Variants in GOLGA8M observed in about 807,000 individuals in gnomAD.
The protein encoded by GOLGA8M is golgin A8 family member M.
Under a neutral mutation model 87.7 loss-of-function variants are expected in GOLGA8M, and 34 were observed. The ratio of observed to expected loss-of-function variants is 0.39; its 90% CI spans 0.29 to 0.52. GOLGA8M has a LOEUF of 0.52. GOLGA8M is among the 20% of genes least tolerant of loss of function. GOLGA8M has a pLI of 0.80. For missense variants in GOLGA8M, 396 were observed against 682.2 expected (o/e 0.58, Z 4.67); for synonymous variants, 138 against 250.2 (o/e 0.55, Z 4.23).
chr15:28,710,225 C>A (rs200207396), intron 2 of GOLGA8M, among the ~76,000 whole-genome samples: 17,628 of 145,086 alleles, frequency 0.12, 1,548 homozygotes, highest in East Asian at 0.51. Flanking sequence ...TACAGGCACA[C>A]GCCACCACGC....
chr15:28,701,292 C>T lies in GOLGA8M; in HGVS notation c.*662G>A, dbSNP rs1156368351. The stretch of plus-strand genomic sequence containing the variant: ...GAAACACACTCTATCCTGCACATAC[C>T]TGCCAGAGGAAGCCACTTTCCTCTT... On this transcript the variant is annotated 3_prime_UTR_variant, in exon 19 of 19. Coordinates refer to ENST00000563027, the MANE Select transcript of GOLGA8M (RefSeq NM_001282468.3). 6.6e-6 allele frequency among the ~76,000 whole-genome samples: 1 copy of T among 151,380 alleles called. No homozygotes were observed. Among genetic ancestry groups the T allele is most frequent in the East Asian group, 2.0e-4 (1 of 5,068 alleles).
In GOLGA8M at chr15:28,706,810, C is replaced by T. The variant is rs934502687; in HGVS notation, c.592-111G>A. ...AATATACAACTCGGTCAGTAAAGAT[C>T]AAGGCATTTCCAAGCCCGTGGTCTG... On this transcript the variant is annotated intron_variant, in intron 8 of 18. Transcript: ENST00000563027. The T allele has an allele frequency of 1.3e-5, 13 of 1,030,428 alleles. 2 individuals carry two copies. The highest frequency in any genetic ancestry group is 1.8e-5 in the Non-Finnish European group (13 of 710,816). The allele number at this position is 1,030,428 out of a possible 1,614,324, so 63.8% of individuals were successfully genotyped here. A position where few individuals can be genotyped will look rare whatever the true frequency, so the allele number is the denominator to read the frequency against.
chr15:28,706,587 C>T (rs879406457), intron 9 of GOLGA8M, 26 bp downstream of exon 9: 9 of 1,132,836 alleles, frequency 7.9e-6, no homozygotes, highest in African/African-American at 1.6e-5. Context: ...ATCTTCCTTC[C>T]ACATAACTCC....
At position 28,701,232 on chromosome 15, in the gene GOLGA8M, A is replaced by C. The variant is rs1054671096; in HGVS notation, c.*722T>G. On this transcript the variant is annotated 3_prime_UTR_variant, in exon 19 of 19. Coordinates refer to ENST00000563027, the MANE Select transcript of GOLGA8M (RefSeq NM_001282468.3). ...ACATACAAATCCTAAGGGCACCACC[A>C]TAATACACCGCTAATTCCTGGCACC... Among the ~76,000 whole-genome samples, 62 of 152,132 alleles carry C rather than the reference A, an allele frequency of 4.1e-4. No individual in the cohort carries two copies. The highest frequency in any genetic ancestry group is 1.5e-3 in the African/African-American group (61 of 41,464).
intron 15 of GOLGA8M, chr15:28,703,087 T>C (rs2079865830): frequency 4.1e-6 from 3 of 727,538 alleles, no homozygotes; most frequent in Middle Eastern, 7.3e-4. Context: ...GTGAGCATTC[T>C]TCTAGGGGCA....
At chr15:28,711,563 C>T (rs1451546766) in intron 1 of GOLGA8M, 1 of 967,310 alleles carries the variant, frequency 1.0e-6, no homozygotes, top group Non-Finnish European at 1.2e-6. Flanking sequence ...GAACCTCTTG[C>T]TCCTAGGTCC....
chr15:28,702,097 G>A lies in GOLGA8M; in HGVS notation c.1756C>T (p.Gln586Ter), dbSNP rs774083684. ...LCEVSLTSSA[Q>*]GEAREDPLLD... Reference sequence around the variant, plus strand: ...AGAGGATCCTCCCTGGCCTCTCCTTGGGCAGAGGAGGTGAGGCTCACCTCA... The same window carrying A: ...AGAGGATCCTCCCTGGCCTCTCCTTAGGCAGAGGAGGTGAGGCTCACCTCA... The change falls in exon 19 of 19, where the codon CAA becomes TAA. Residue 586 changes from glutamine (Q) to a stop codon, truncating the protein, a stop_gained. Transcript: ENST00000563027. LOFTEE classifies it high-confidence loss of function. 4.7e-5 allele frequency: 74 copies of A among 1,586,204 alleles called. No homozygotes were observed. The highest frequency in any genetic ancestry group is 6.2e-5 in the Non-Finnish European group (73 of 1,174,506).
intron 1 of GOLGA8M, chr15:28,711,986 C>G: frequency 2.0e-6 from 2 of 984,886 alleles, no homozygotes; most frequent in African/African-American, 3.5e-5. Context: ...CCAAAGAGCC[C>G]AGGGAGATCA....
Position 28,707,812 on chromosome 15 carries a change from C to T in GOLGA8M, c.527G>A (p.Arg176His), listed in dbSNP as rs557781442. Residue 176 changes from arginine to histidine, a missense_variant, in exon 8 of 19, where the codon CGT (arginine) becomes CAT (histidine). This residue lies in a region of GOLGA8M where 80 missense variants were observed against 119.9 expected (regional missense o/e 0.67). Transcript: ENST00000563027. ...GAGAACACTCTCTAACTCTCCTTTA[C>T]GCTGCAATGAATGTTGCAGGCGGAC... ...LAVRLQHSLQ[R>H]KGELESVLSD... 124 of 1,585,408 alleles carry T rather than the reference C, an allele frequency of 7.8e-5. No homozygotes were observed. Among genetic ancestry groups the T allele is most frequent in the Admixed American group, 3.3e-4 (18 of 54,518 alleles).
At chr15:28,705,089 C>A (rs931605509) in intron 13 of GOLGA8M, 70 bp downstream of exon 13, 3 of 1,584,008 alleles carry the variant, frequency 1.9e-6, no homozygotes, top group Admixed American at 3.5e-5. Flanking sequence ...CCTGGTACCT[C>A]CCCTCCCCAG....
rs926578443 is a variant in GOLGA8M, at chr15:28,702,892, G to A, written c.1369-147C>T. 1.7e-5 allele frequency: 26 copies of A among 1,535,598 alleles called. 2 individuals carry two copies. Among genetic ancestry groups the A allele is most frequent in the Non-Finnish European group, 2.2e-5 (26 of 1,158,550 alleles). On this transcript the variant is annotated intron_variant, in intron 15 of 18. Coordinates refer to ENST00000563027, the MANE Select transcript of GOLGA8M (RefSeq NM_001282468.3). The stretch of plus-strand genomic sequence containing the variant: ...GGCCCAGTGGGTCTCCCCACTCACA[G>A]ACTCGCCCCCAGGCCCTGGGGCTGC...
At chr15:28,708,873 C>A (rs1226177877) in intron 4 of GOLGA8M, among the ~76,000 whole-genome samples, 2 of 145,526 alleles carry the variant, frequency 1.4e-5, no homozygotes, top group Non-Finnish European at 3.0e-5. Flanking sequence ...CTAACAGAGA[C>A]CTTTGATACT....
intron 13 of GOLGA8M, 113 bp from the exon 14 acceptor site, chr15:28,704,030 A>G (rs79788675): frequency 3.6e-5 from 54 of 1,490,766 alleles, no homozygotes; most frequent in Non-Finnish European, 4.3e-5. Flanking sequence ...GGCAGGCCAT[A>G]TCGGCCACCG....
In GOLGA8M at chr15:28,700,630, G is replaced by A. The variant is rs368216040; in HGVS notation, c.*1324C>T. ...TGATTTTCAAAGATAGTATAATACC[G>A]TCTACTAAAACTCCTTTTTGTTTCA... On this transcript the variant is annotated 3_prime_UTR_variant, in exon 19 of 19. Transcript: ENST00000563027. Among the ~76,000 whole-genome samples, 6,313 of 146,514 alleles carry A rather than the reference G, an allele frequency of 0.043. 211 individuals are homozygous for A. The highest frequency in any genetic ancestry group is 0.077 in the Admixed American group (1,116 of 14,518).
At position 28,702,685 on chromosome 15, in the gene GOLGA8M, C is replaced by A. The variant is rs539256593; in HGVS notation, c.1429G>T (p.Glu477Ter). 1.7e-5 allele frequency: 27 copies of A among 1,605,786 alleles called. No homozygotes were observed. In the South Asian group the frequency reaches 2.2e-4, roughly 13 times the overall value. The change falls in exon 16 of 19, where the codon GAA (glutamate) becomes TAA (stop). Residue 477 changes from glutamate (E) to a stop codon, truncating the protein, a stop_gained. Coordinates refer to ENST00000563027, the MANE Select transcript of GOLGA8M (RefSeq NM_001282468.3). LOFTEE classifies it high-confidence loss of function. ...ADLSELVKKQ[E>*]LRFIQYWQER... ...TGCCAGTATTGAATGAAGCGAAGTT[C>A]TTGTTTCTTCACAAGCTCACTCAGG...
upstream of GOLGA8M, among the ~76,000 whole-genome samples, chr15:28,712,736 T>C (rs1311033302): frequency 3.3e-5 from 5 of 152,256 alleles, no homozygotes; most frequent in Non-Finnish European, 2.9e-5. Flanking sequence ...TGCGTATCTA[T>C]GTTTTTCTCC....
At chr15:28,704,720 G>A (rs1034324186) in intron 13 of GOLGA8M, among the ~76,000 whole-genome samples, 9 of 143,268 alleles carry the variant, frequency 6.3e-5, no homozygotes, top group African/African-American at 1.9e-4. Flanking sequence ...TGGAATTACA[G>A]GCATGCACCA....
At chr15:28,710,309 C>T (rs1350405684) in intron 2 of GOLGA8M, among the ~76,000 whole-genome samples, 178 bp downstream of exon 2, 4 of 152,284 alleles carry the variant, frequency 2.6e-5, no homozygotes, top group South Asian at 2.1e-4. Context: ...TATCTCCTGA[C>T]GTCATGATCC....
At chr15:28,703,945 G>A (rs898222875) in intron 13 of GOLGA8M, 28 bp from the exon 14 acceptor site, 1 of 1,591,394 alleles carries the variant, frequency 6.3e-7, no homozygotes, top group Non-Finnish European at 8.5e-7. Context: ...AGTGAGAAGG[G>A]ATGGAGTTTG....
Sources: gnomAD v4.1 joint callset for allele counts (sites outside exome capture counted in the v4.1 genomes callset) on GRCh38, gnomAD v4.1.1 for gene constraint, gnomAD v4.1.1 regional missense constraint, MANE v1.5 for transcripts, NCBI Gene and HGNC (gene_info 2026-07-23, HGNC 2026-07-21) for gene names.